The following CERS1 variants were observed in gnomAD, a reference collection of about 807,000 sequenced individuals.
The protein encoded by CERS1 is Embryonic growth/differentiation factor 1.
In CERS1, 16 loss-of-function variants were observed where a neutral mutation model predicts 35.7. The observed-to-expected ratio is 0.45, with a 90% CI of 0.30 to 0.68. The LOEUF (loss-of-function observed/expected upper bound fraction) is 0.68, where lower values mean the gene tolerates loss of function less well. CERS1 is among the 30% of genes least tolerant of loss of function. CERS1 has a pLI of 0.08. For missense variants in CERS1, 454 were observed against 453.9 expected (o/e 1.00, Z 0.00); for synonymous variants, 243 against 201.6 (o/e 1.21, Z -1.74).
intron 1 of CERS1, among the ~76,000 whole-genome samples, chr19:18,894,755 G>C (rs2056584327): frequency 1.3e-5 from 2 of 152,170 alleles, no homozygotes; most frequent in Admixed American, 1.3e-4. Flanking sequence ...TGGGTGATAT[G>C]GGGACGGGAG....
In CERS1 at chr19:18,869,183, G is replaced by T; in HGVS notation, c.*802C>A. The T allele has an allele frequency of 8.6e-7, 1 of 1,168,932 alleles. No individual in the cohort carries two copies. The highest frequency in any genetic ancestry group is 1.1e-6 in the Non-Finnish European group (1 of 948,770). The allele number at this position is 1,168,932 out of a possible 1,614,324, so 72.4% of individuals were successfully genotyped here. A position where few individuals can be genotyped will look rare whatever the true frequency, so the allele number is the denominator to read the frequency against. On this transcript the variant is annotated 3_prime_UTR_variant, in exon 8 of 8. Transcript: ENST00000623882. ...CAACTGGCGGAGCAGCACCGGCCCG[G>T]GGTCCGCGCCCGCGCCCTGGCCCGC...
chr19:18,872,309 C>T (rs2055984607), intron 6 of CERS1, among the ~76,000 whole-genome samples: 1 of 152,202 alleles, frequency 6.6e-6, no homozygotes, highest in African/African-American at 2.4e-5. Flanking sequence ...GCGGTGTACC[C>T]ACCTTGGGGG....
intron 3 of CERS1, 51 bp from the exon 4 acceptor site, chr19:18,880,486 C>A: frequency 3.3e-6 from 5 of 1,503,434 alleles, no homozygotes; most frequent in East Asian, 2.4e-5. Context: ...TGGGGGACCT[C>A]CACTCTGCAC....
At chr19:18,869,891 G>A (rs2055933722) in intron 7 of CERS1, 92 bp downstream of exon 7, 3 of 1,290,352 alleles carry the variant, frequency 2.3e-6, no homozygotes, top group Non-Finnish European at 2.2e-6. Flanking sequence ...GGGGACCCTC[G>A]GAGCTGCTCG....
At chr19:18,879,522 A>C (rs2056142378) in intron 4 of CERS1, 134 bp from the exon 5 acceptor site, 2 of 1,095,424 alleles carry the variant, frequency 1.8e-6, no homozygotes, top group South Asian at 3.2e-5. Flanking sequence ...TGTTTCTACT[A>C]CTGCTCTGTC....
Position 18,895,729 on chromosome 19 carries a change from C to A in CERS1, c.249+95G>T, listed in dbSNP as rs2056609112. 4.7e-6 allele frequency: 3 copies of A among 639,488 alleles called. 1 individual carries two copies. The South Asian group carries it at 1.2e-4, about 25-fold the overall frequency. 39.6% of individuals were successfully genotyped at this position (639,488 alleles called of 1,614,324 possible). A position where few individuals can be genotyped will look rare whatever the true frequency, so the allele number is the denominator to read the frequency against. On this transcript the variant is annotated intron_variant, in intron 1 of 7. Coordinates refer to ENST00000623882, the MANE Select transcript of CERS1 (RefSeq NM_021267.5). This position sits in a 1 kb window ranked among gnomAD's most constrained non-coding sequence, Gnocchi z 6.4. Reference sequence around the variant, plus strand: ...CGACCCCTTCATCCGCAGCAGCCAGCGCTGGAAGAAAGGAACGCGCCGGCG... The same window carrying A: ...CGACCCCTTCATCCGCAGCAGCCAGAGCTGGAAGAAAGGAACGCGCCGGCG...
In CERS1 at chr19:18,879,358, G is replaced by C; in HGVS notation, c.783C>G (p.Leu261=). The C allele has an allele frequency of 3.1e-6, 5 of 1,588,192 alleles. No homozygotes were observed. The highest frequency in any genetic ancestry group is 4.3e-6 in the Non-Finnish European group (5 of 1,167,702). The change falls in exon 5 of 8, where the codon CTC becomes CTG. Residue 261 remains leucine (L), a synonymous_variant. Coordinates refer to ENST00000623882, the MANE Select transcript of CERS1 (RefSeq NM_021267.5). ...WFWFRLYWFP[L]KVLYATSHCS... Reference sequence around the variant, plus strand: ...AGTGACTGGTGGCATACAGGACCTTGAGCGGGAACCAGTAGAGGCGGAACC... The same window carrying C: ...AGTGACTGGTGGCATACAGGACCTTCAGCGGGAACCAGTAGAGGCGGAACC...
chr19:18,869,860 A>T (rs2055932579), intron 7 of CERS1, 123 bp downstream of exon 7: 2 of 925,744 alleles, frequency 2.2e-6, no homozygotes, highest in Non-Finnish European at 3.4e-6. Context: ...CGAAGTTGCT[A>T]GTAGCCTGGA....
intron 2 of CERS1, among the ~76,000 whole-genome samples, chr19:18,891,450 T>C (rs2056489104): frequency 6.6e-6 from 1 of 152,196 alleles, no homozygotes. Context: ...ATGCCGGCCC[T>C]GCCCTGCATT....
chr19:18,889,501 C>T (rs1211267507), intron 2 of CERS1, among the ~76,000 whole-genome samples: 4 of 152,296 alleles, frequency 2.6e-5, no homozygotes, highest in South Asian at 2.1e-4. Context: ...ACTGCAGCCT[C>T]GACCTCCCGG....
chr19:18,869,531 C>G, intron 7 of CERS1, 141 bp from the exon 8 acceptor site: 1 of 864,510 alleles, frequency 1.2e-6, no homozygotes, highest in East Asian at 6.9e-5. Flanking sequence ...GCGGGGTGGG[C>G]TGATGGAGTG....
chr19:18,868,862 A>G lies in CERS1; in HGVS notation c.*1123T>C. The stretch of plus-strand genomic sequence containing the variant: ...GGCCAGGAAGCCGCGCGGCGCGATG[A>G]CCCAGCGGTGCCAGCCCACCTCGCG... On this transcript the variant is annotated 3_prime_UTR_variant, in exon 8 of 8. Transcript: ENST00000623882. 1 of 1,442,476 alleles carries G rather than the reference A, an allele frequency of 6.9e-7. No individual in the cohort carries two copies. Among genetic ancestry groups the G allele is most frequent in the South Asian group, 1.2e-5 (1 of 80,974 alleles). The allele number at this position is 1,442,476 out of a possible 1,614,324, so 89.4% of individuals were successfully genotyped here.
chr19:18,884,307 C>G (rs1449596501), intron 2 of CERS1, 40 bp from the exon 3 acceptor site: 2 of 1,562,224 alleles, frequency 1.3e-6, no homozygotes, highest in Non-Finnish European at 1.7e-6. Context: ...CCCTGCGAAG[C>G]CTCTAGACGA....
At chr19:18,880,995 G>A (rs979350721) in intron 3 of CERS1, among the ~76,000 whole-genome samples, 2 of 151,980 alleles carry the variant, frequency 1.3e-5, no homozygotes, top group African/African-American at 2.4e-5. Flanking sequence ...CACTGTGCCC[G>A]GTCTTGGAAG....
At chr19:18,879,587 C>T (rs7252796) in intron 4 of CERS1, among the ~76,000 whole-genome samples, 199 bp from the exon 5 acceptor site, 122,542 of 138,080 alleles carry the variant, frequency 0.89, 54,439 homozygotes, top group Admixed American at 0.91. Flanking sequence ...CATCCTTCCC[C>T]GCCTGGCCCC....
At chr19:18,872,673 G>A (rs967675280) in intron 6 of CERS1, among the ~76,000 whole-genome samples, 18 of 92,056 alleles carry the variant, frequency 2.0e-4, no homozygotes, top group African/African-American at 7.2e-4. Context: ...CTGCCACCAC[G>A]CCCAGATAAT....
At chr19:18,875,217 C>CA (rs1299324310) in intron 6 of CERS1, among the ~76,000 whole-genome samples, 1 of 149,060 alleles carries the variant, frequency 6.7e-6, no homozygotes, top group African/African-American at 2.5e-5. Context: ...GCGTGGGCGA[C>CA]AGAGTGGGAC....
At chr19:18,888,945 G>A (rs551359632) in intron 2 of CERS1, among the ~76,000 whole-genome samples, 3 of 144,274 alleles carry the variant, frequency 2.1e-5, no homozygotes, top group African/African-American at 7.8e-5. Context: ...AGGCTGGAGT[G>A]CAGTAGCATG....
Position 18,878,915 on chromosome 19 carries a change from C to T in CERS1, c.1010+15G>A, listed in dbSNP as rs367780894. Reference sequence around the variant, plus strand: ...TAAAGGAGGGAACGCGGGGTGCGGGCCCCTCCACACTCACTCGGCTTTGCT... The same window carrying T: ...TAAAGGAGGGAACGCGGGGTGCGGGTCCCTCCACACTCACTCGGCTTTGCT... On this transcript the variant is annotated intron_variant, in intron 6 of 7. Transcript: ENST00000623882. This position sits in a 1 kb window ranked among gnomAD's most constrained non-coding sequence, Gnocchi z 4.6. 9 of 1,612,736 alleles carry T rather than the reference C, an allele frequency of 5.6e-6. No homozygotes were observed. The African/African-American group carries it at 1.2e-4, about 22-fold the overall frequency.
Sources: allele counts gnomAD v4.1 joint callset (sites outside exome capture counted in the v4.1 genomes callset), GRCh38; gene constraint gnomAD v4.1.1; non-coding constraint Gnocchi (gnomAD v3.1); transcripts MANE v1.5; gene names NCBI Gene and HGNC (gene_info 2026-07-23, HGNC 2026-07-21).